NAF1: variants seen among roughly 807,000 people sequenced by gnomAD.
NAF1 encodes H/ACA ribonucleoprotein complex non-core subunit NAF1.
NAF1 carries 11 observed loss-of-function variants against 40.6 expected under a neutral mutation model. That is an observed-to-expected ratio of 0.27 (90% CI 0.17 to 0.45). NAF1 has a LOEUF of 0.45. Among genes scored for constraint, NAF1 ranks in the 20% least tolerant of loss-of-function variants. The pLI is 1.00. For synonymous variants in NAF1, 260 were observed against 228.5 expected (o/e 1.14, Z -1.24); for missense variants, 607 against 611.1 (o/e 0.99, Z 0.07).
Position 163,166,777 on chromosome 4 carries a change from AGC to A in NAF1, c.-52_-51del, listed in dbSNP as rs1732499046. ...GCCTCAGGATTGGGGCCCCTGGACA[AGC>A]TCACGGCTCTCTCCAGAAATAGAAA... is the stretch of plus-strand genomic sequence containing the variant. On this transcript the variant is annotated 5_prime_UTR_variant, in exon 1 of 8. Coordinates refer to ENST00000274054, the MANE Select transcript of NAF1 (RefSeq NM_138386.3). 1 of 1,605,514 alleles carries A rather than the reference AGC, an allele frequency of 6.2e-7. No individual in the cohort carries two copies.
chr4:163,153,196 G>A (rs770357783), intron 2 of NAF1, among the ~76,000 whole-genome samples: 5 of 152,316 alleles, frequency 3.3e-5, no homozygotes, highest in South Asian at 4.1e-4. Flanking sequence ...CCACGGCGCC[G>A]AGTCCCATCG....
chr4:163,139,657 T>C (rs1041384998), intron 5 of NAF1, among the ~76,000 whole-genome samples: 7 of 152,110 alleles, frequency 4.6e-5, no homozygotes, highest in East Asian at 1.9e-4. Context: ...GCATTATTGA[T>C]AGACAAAATG....
In NAF1 at chr4:163,164,382, A is replaced by C; in HGVS notation, c.375T>G (p.Asp125Glu). ...DSDSDSDSET[D>E]SDSSSSSSSS... ...AAGACGATGAACTTGAACTATCTGA[A>C]TCTGTTTCACTGTAGGGAAGAAAAC... Residue 125 changes from aspartate (D) to glutamate (E), a missense_variant, in exon 2 of 8, where the codon GAT becomes GAG. Transcript: ENST00000274054. 2 of 1,568,590 alleles carry C rather than the reference A, an allele frequency of 1.3e-6. No individual in the cohort carries two copies. Among genetic ancestry groups the C allele is most frequent in the South Asian group, 2.5e-5 (2 of 81,334 alleles).
At chr4:163,114,849 G>C (rs573439566) in intron 2 of NAF1, among the ~76,000 whole-genome samples, 7 of 152,200 alleles carry the variant, frequency 4.6e-5, no homozygotes, top group African/African-American at 1.7e-4. Context: ...TGGACCTGGG[G>C]TATTTGCTGT....
chr4:163,162,703 A>T (rs1404645522), intron 2 of NAF1, among the ~76,000 whole-genome samples: 1 of 152,254 alleles, frequency 6.6e-6, no homozygotes, highest in Non-Finnish European at 1.5e-5. Context: ...CAGGTGTGCT[A>T]TAATAATTTC....
At chr4:163,127,049 T>G (rs1730679338), downstream of NAF1, 4 of 1,551,690 alleles carry the variant, frequency 2.6e-6, no homozygotes, top group Non-Finnish European at 3.5e-6. Context: ...ACCAAAAAGT[T>G]TGTGTGACTC....
chr4:163,165,280 A>G (rs972992912), intron 1 of NAF1, among the ~76,000 whole-genome samples: 1 of 152,212 alleles, frequency 6.6e-6, no homozygotes, highest in Non-Finnish European at 1.5e-5. Context: ...AAAAAGTTGT[A>G]CCCCTTTTGA....
At chr4:163,149,527 G>C (rs1579169938) in intron 2 of NAF1, among the ~76,000 whole-genome samples, 1 of 152,152 alleles carries the variant, frequency 6.6e-6, no homozygotes, top group African/African-American at 2.4e-5. Context: ...ATTACTTATG[G>C]AGAGCAACAC....
chr4:163,120,472 T>G (rs529698484), intron 2 of NAF1, among the ~76,000 whole-genome samples: 20 of 152,202 alleles, frequency 1.3e-4, no homozygotes, highest in Non-Finnish European at 2.6e-4. Context: ...TTTTACCACA[T>G]AAACAAGGTC....
At chr4:163,127,148 G>C (rs1312621297), downstream of NAF1, 3 of 1,544,308 alleles carry the variant, frequency 1.9e-6, no homozygotes, top group Non-Finnish European at 2.6e-6. Flanking sequence ...TTTTTACTTT[G>C]AGATGGAGTC....
At position 163,166,531 on chromosome 4, in the gene NAF1, G is replaced by A. The variant is rs969088645; in HGVS notation, c.197C>T (p.Pro66Leu). Residue 66 changes from proline (P) to leucine (L), a missense_variant, in exon 1 of 8, where the codon CCT becomes CTT. Pro to Leu is a moderately conservative substitution (Grantham distance 98). This residue lies in a region of NAF1 where 407 missense variants were observed against 365.5 expected (regional missense o/e 1.11). Transcript: ENST00000274054. ...TVEVKPAGEQ[P>L]LQPVLNAVAA... ...GACGGCGTTCAGAACGGGCTGCAGA[G>A]GCTGCTCCCCGGCAGGCTTAACCTC... 26 of 1,594,756 alleles carry A rather than the reference G, an allele frequency of 1.6e-5. No homozygotes were observed. The highest frequency in any genetic ancestry group is 3.5e-5 in the Admixed American group (2 of 57,404).
intron 2 of NAF1, among the ~76,000 whole-genome samples, chr4:163,116,850 C>G (rs1170867023): frequency 6.6e-6 from 1 of 152,102 alleles, no homozygotes; most frequent in Non-Finnish European, 1.5e-5. Context: ...CCATTCAAAC[C>G]ATCAATAAAG....
chr4:163,128,606 CTATATATA>C, downstream of NAF1: 1 of 324,000 alleles, frequency 3.1e-6, no homozygotes, highest in Non-Finnish European at 4.3e-6. Context: ...ATATCCATTA[CTATATATA>C]TATATATATA....
At position 163,157,621 on chromosome 4, in the gene NAF1, C is replaced by T. The variant is rs147656004; in HGVS notation, c.540+6596G>A. Among the ~76,000 whole-genome samples the T allele has an allele frequency of 3.8e-4, 58 of 151,926 alleles. No homozygotes were observed. In the East Asian group the frequency reaches 8.7e-3, roughly 23 times the overall value. ...CTGTGCTTCTGTGATAACAGATACT[C>T]GTAACGATGGCATTAAAGAAATGCA... On this transcript the variant is annotated intron_variant, in intron 2 of 7. Coordinates refer to ENST00000274054, the MANE Select transcript of NAF1 (RefSeq NM_138386.3).
At chr4:163,114,230 C>A (rs951038755) in intron 2 of NAF1, among the ~76,000 whole-genome samples, 2 of 152,198 alleles carry the variant, frequency 1.3e-5, no homozygotes, top group African/African-American at 4.8e-5. Context: ...TCTGTGGAAT[C>A]TACTGCCTCT....
chr4:163,122,138 T>G (rs893472524), downstream of NAF1, among the ~76,000 whole-genome samples: 2 of 152,192 alleles, frequency 1.3e-5, no homozygotes, highest in South Asian at 4.1e-4. Flanking sequence ...ATTCAATGAT[T>G]AGGACTTTAA....
At chr4:163,116,825 G>T (rs755721632) in intron 2 of NAF1, among the ~76,000 whole-genome samples, 17 of 151,876 alleles carry the variant, frequency 1.1e-4, no homozygotes, top group African/African-American at 3.6e-4. Context: ...TTTCAGGGAC[G>T]ACCACCCTAC....
chr4:163,132,090 T>C (rs1449001845), intron 7 of NAF1, among the ~76,000 whole-genome samples: 2 of 152,066 alleles, frequency 1.3e-5, no homozygotes, highest in East Asian at 1.9e-4. Flanking sequence ...TGCAAAGAAA[T>C]TGTCACTCAT....
chr4:163,112,632 T>C (rs1255487875), intron 2 of NAF1, among the ~76,000 whole-genome samples: 1 of 152,078 alleles, frequency 6.6e-6, no homozygotes, highest in Non-Finnish European at 1.5e-5. Flanking sequence ...TCTCCATAAG[T>C]GAGATGGACT....
Sources: allele counts gnomAD v4.1 joint callset (sites outside exome capture counted in the v4.1 genomes callset), GRCh38; gene constraint gnomAD v4.1.1; regional missense constraint gnomAD v4.1.1; transcripts MANE v1.5; gene names NCBI Gene and HGNC (gene_info 2026-07-23, HGNC 2026-07-21).